PLD2: variants seen among roughly 807,000 people sequenced by gnomAD.
The protein encoded by PLD2 is choline phosphatase 2.
In PLD2, 101 loss-of-function variants were observed where a neutral mutation model predicts 119.8. That is an observed-to-expected ratio of 0.84 (90% CI 0.72 to 0.99). The LOEUF (loss-of-function observed/expected upper bound fraction) is 0.99. PLD2 is among the 50% of genes least tolerant of loss of function. PLD2 has a pLI of 0.00. For synonymous variants in PLD2, 494 were observed against 482.8 expected, an observed-to-expected ratio of 1.02 and a Z score of -0.30; for missense variants, 1,164 against 1,226.8, an observed-to-expected ratio of 0.95 and a Z score of 0.76.
Position 4,818,525 on chromosome 17 carries a change from T to C in PLD2, c.2041T>C (p.Leu681=). Residue 681 remains leucine (L), a synonymous_variant, in exon 20 of 25, where the codon TTG becomes CTG. Transcript: ENST00000263088. ...QGWCYRVYVL[L]PLLPGFEGDI... ...GTGGTGTTACCGAGTCTACGTGCTT[T>C]TGCCCTTACTCCCTGGCTTCGAGGG... The C allele has an allele frequency of 6.2e-7, 1 of 1,613,966 alleles. No individual in the cohort carries two copies. Among genetic ancestry groups the C allele is most frequent in the South Asian group, 1.1e-5 (1 of 91,078 alleles).
At chr17:4,810,265 T>C (rs1302468503) in intron 9 of PLD2, among the ~76,000 whole-genome samples, 1 of 152,120 alleles carries the variant, frequency 6.6e-6, no homozygotes, top group African/African-American at 2.4e-5. Flanking sequence ...ATAAACGAAA[T>C]TCCATTTGTT....
intron 19 of PLD2, 21 bp from the exon 20 acceptor site, chr17:4,818,473 C>G (rs779114508): frequency 6.9e-6 from 11 of 1,605,558 alleles, no homozygotes; most frequent in Non-Finnish European, 9.4e-6. Flanking sequence ...AGTCGCACCT[C>G]TGACTCCACC....
Position 4,819,474 on chromosome 17 carries a change from G to C in PLD2, c.2354G>C (p.Ser785Thr). 6.2e-7 allele frequency: 1 copy of C among 1,614,064 alleles called. No homozygotes were observed. Among genetic ancestry groups the C allele is most frequent in the African/African-American group, 1.3e-5 (1 of 75,042 alleles). Residue 785 changes from serine (S) to threonine (T), a missense_variant, in exon 23 of 25, where the codon AGT (serine) becomes ACT (threonine). Transcript: ENST00000263088. The surrounding 1 kb of genome is among the most constrained non-coding windows in gnomAD (Gnocchi z 4.2). ...CGGAGCTTGCTGGGGAAGCGGGACA[G>C]TGAGCTGGCCGTGCTGATCGAGGAC... ...NDRSLLGKRD[S>T]ELAVLIEDTE...
intron 13 of PLD2, 21 bp from the exon 14 acceptor site, chr17:4,815,733 CACCCTCATGA>C: frequency 1.2e-6 from 2 of 1,609,924 alleles, no homozygotes; most frequent in South Asian, 2.2e-5. Context: ...CACCTAAACC[CACCCTCATGA>C]ACCCTCCATG....
rs1171043990 is a variant in PLD2 at position 4,823,414 on chromosome 17, T to C, written c.*550T>C. On this transcript the variant is annotated 3_prime_UTR_variant, in exon 25 of 25. Transcript: ENST00000263088. Reference sequence around the variant, plus strand: ...ATCCGTTCAATAAGCATTTCATAAATAAAGGTGTAGAAAAGGTTCATGCGT... The same window carrying C: ...ATCCGTTCAATAAGCATTTCATAAACAAAGGTGTAGAAAAGGTTCATGCGT... 2 of 153,234 alleles carry C rather than the reference T, an allele frequency of 1.3e-5. No individual in the cohort carries two copies. Among genetic ancestry groups the C allele is most frequent in the African/African-American group, 4.8e-5 (2 of 41,476 alleles). 9.5% of individuals were successfully genotyped at this position (153,234 alleles called of 1,614,324 possible).
Position 4,809,369 on chromosome 17 carries a change from G to C in PLD2, c.555+6G>C, listed in dbSNP as rs777746341. On this transcript the variant is annotated splice_donor_region_variant and intron_variant, in intron 6 of 24. Coordinates refer to ENST00000263088, the MANE Select transcript of PLD2 (RefSeq NM_002663.5). Reference sequence around the variant, plus strand: ...ATCGCAACTACCATGCCATGGTAAGGTCCAGGGGCCGATTTTAGATGTGGA... The same window carrying C: ...ATCGCAACTACCATGCCATGGTAAGCTCCAGGGGCCGATTTTAGATGTGGA... 6.2e-7 allele frequency: 1 copy of C among 1,613,484 alleles called. No individual in the cohort carries two copies. Among genetic ancestry groups the C allele is most frequent in the Non-Finnish European group, 8.5e-7 (1 of 1,179,374 alleles).
chr17:4,816,630 C>G lies in PLD2; in HGVS notation c.1466C>G (p.Pro489Arg), dbSNP rs200699572. ...SESAASQPPT[P>R]RPDSPATPDL... ...GTGTTCCCCCTACAGCCTCCCACCC[C>G]GCGCCCAGACTCACCAGCCACCCCA... Residue 489 changes from proline to arginine, a missense_variant, in exon 15 of 25, where the codon CCG (proline) becomes CGG (arginine). By Grantham distance (103) the Pro-to-Arg change is moderately radical (BLOSUM62 -2). Coordinates refer to ENST00000263088, the MANE Select transcript of PLD2 (RefSeq NM_002663.5). 1.4e-4 allele frequency: 226 copies of G among 1,613,880 alleles called. No individual in the cohort carries two copies. The highest frequency in any genetic ancestry group is 1.7e-4 in the Non-Finnish European group (195 of 1,179,938).
At position 4,819,605 on chromosome 17, in the gene PLD2, C is replaced by T. The variant is rs764774112; in HGVS notation, c.2462+23C>T. The T allele has an allele frequency of 2.1e-5, 33 of 1,591,614 alleles. No individual in the cohort carries two copies. Among genetic ancestry groups the T allele is most frequent in the Non-Finnish European group, 2.4e-5 (28 of 1,167,342 alleles). ...CGGGTAGAGCTGGGGCGGGATGCCA[C>T]AGGGTGGGAGGGAGATGGGGGCGTC... is the stretch of plus-strand genomic sequence containing the variant. On this transcript the variant is annotated intron_variant, in intron 23 of 24. Coordinates refer to ENST00000263088, the MANE Select transcript of PLD2 (RefSeq NM_002663.5). This position sits in a 1 kb window ranked among gnomAD's most constrained non-coding sequence, Gnocchi z 4.2.
chr17:4,808,126 G>A lies in PLD2; in HGVS notation c.240+12G>A. 1 of 1,603,004 alleles carries A rather than the reference G, an allele frequency of 6.2e-7. No individual in the cohort carries two copies. Among genetic ancestry groups the A allele is most frequent in the South Asian group, 1.1e-5 (1 of 90,680 alleles). On this transcript the variant is annotated intron_variant, in intron 3 of 24. Coordinates refer to ENST00000263088, the MANE Select transcript of PLD2 (RefSeq NM_002663.5). This position sits in a 1 kb window ranked among gnomAD's most constrained non-coding sequence, Gnocchi z 4.1. ...CCAGCGGATCCAAGGTGGCCAGACT[G>A]GCCCCAGGGAGGGGGAAAGGGAGGG...
In PLD2 at chr17:4,819,257, T is replaced by A; in HGVS notation, c.2308+39T>A. On this transcript the variant is annotated intron_variant, in intron 22 of 24. Coordinates refer to ENST00000263088, the MANE Select transcript of PLD2 (RefSeq NM_002663.5). The surrounding 1 kb of genome is among the most constrained non-coding windows in gnomAD (Gnocchi z 4.2). ...CTAGTCCTCTGGCAGGGAGAGGGTG[T>A]GGGGACAGGCGAAGAGATGAGAGGC... The A allele has an allele frequency of 6.2e-7, 1 of 1,611,464 alleles. No individual in the cohort carries two copies. Among genetic ancestry groups the A allele is most frequent in the Non-Finnish European group, 8.5e-7 (1 of 1,178,922 alleles).
chr17:4,812,962 C>T (rs991399892), intron 10 of PLD2, among the ~76,000 whole-genome samples: 29 of 152,122 alleles, frequency 1.9e-4, no homozygotes, highest in African/African-American at 7.0e-4. Context: ...ATCACAGGCA[C>T]ACAGGGCAGT....
rs548280693 is a variant in PLD2 at position 4,814,409 on chromosome 17, T to TC, written c.1011-3dup. Reference sequence around the variant, plus strand: ...CTCCCCTGACCTCCTTGGCTTGGCCTCCCCCCAGGTTTGTGAATGGGGCAG... The same window carrying TC: ...CTCCCCTGACCTCCTTGGCTTGGCCTCCCCCCCAGGTTTGTGAATGGGGCAG... On this transcript the variant is annotated splice_polypyrimidine_tract_variant and intron_variant, in intron 10 of 24. Transcript: ENST00000263088. The TC allele has an allele frequency of 2.5e-6, 4 of 1,606,418 alleles. No homozygotes were observed. In the East Asian group the frequency reaches 6.7e-5, roughly 27 times the overall value.
At chr17:4,818,159 G>A (rs1468810103) in intron 18 of PLD2, 53 bp downstream of exon 18, 20 of 1,445,832 alleles carry the variant, frequency 1.4e-5, no homozygotes, top group Non-Finnish European at 1.8e-5. Flanking sequence ...CCAGGAGAGA[G>A]ACCTGGGGAA....
intron 11 of PLD2, 62 bp downstream of exon 11, chr17:4,814,563 G>A: frequency 6.2e-7 from 1 of 1,612,948 alleles, no homozygotes; most frequent in Admixed American, 1.7e-5. Context: ...ATCAGCATTA[G>A]GAGGAGAAGG....
chr17:4,812,714 G>A (rs903186746), intron 10 of PLD2, among the ~76,000 whole-genome samples: 8 of 152,164 alleles, frequency 5.3e-5, no homozygotes, highest in African/African-American at 1.2e-4. Flanking sequence ...ATTCCAGGAC[G>A]ATAAAAATGT....
In PLD2 at chr17:4,814,722, T is replaced by C; in HGVS notation, c.1173+11T>C. ...CTCAAGAGGAAGGCGGTGAGGAGAG[T>C]GGTCAGGCCGCAGGGGGAGGGGGTT... On this transcript the variant is annotated intron_variant, in intron 12 of 24. Transcript: ENST00000263088. 8 of 1,612,460 alleles carry C rather than the reference T, an allele frequency of 5.0e-6. No individual in the cohort carries two copies. The South Asian group carries it at 8.8e-5, about 18-fold the overall frequency.
chr17:4,816,594 C>G, intron 14 of PLD2, 26 bp from the exon 15 acceptor site: 1 of 1,612,786 alleles, frequency 6.2e-7, no homozygotes, highest in East Asian at 2.2e-5. Flanking sequence ...CCCCTTGCCC[C>G]TGGCTTGGGT....
chr17:4,812,146 C>T (rs1409907811), intron 10 of PLD2, among the ~76,000 whole-genome samples: 1 of 150,650 alleles, frequency 6.6e-6, no homozygotes, highest in Non-Finnish European at 1.5e-5. Flanking sequence ...GGCAGAGTTT[C>T]GCTCTTGTTG....
intron 12 of PLD2, 126 bp downstream of exon 12, chr17:4,814,837 C>T (rs1906814509): frequency 3.7e-6 from 3 of 813,812 alleles, no homozygotes; most frequent in Non-Finnish European, 6.2e-6. Flanking sequence ...TCCATCCTGG[C>T]CCAGCACCTG....
Sources: gnomAD v4.1 joint callset for allele counts (sites outside exome capture counted in the v4.1 genomes callset) on GRCh38, gnomAD v4.1.1 for gene constraint, Gnocchi (gnomAD v3.1) non-coding constraint, MANE v1.5 for transcripts, NCBI Gene and HGNC (gene_info 2026-07-23, HGNC 2026-07-21) for gene names.